DRC7: variants seen among roughly 807,000 people sequenced by gnomAD.
DRC7 encodes dynein regulatory complex subunit 7.
A neutral mutation model predicts 104.4 loss-of-function variants in DRC7; 80 were observed. The observed-to-expected ratio is 0.77, with a 90% confidence interval of 0.64 to 0.92. The LOEUF (loss-of-function observed/expected upper bound fraction) is 0.92. Among genes scored for constraint, DRC7 ranks in the 40% least tolerant of loss-of-function variants. The pLI is 0.00. For synonymous variants in DRC7, 405 were observed against 447.3 expected, an observed-to-expected ratio of 0.91 and a Z score of 1.19; for missense variants, 1,034 against 1,141.1, an observed-to-expected ratio of 0.91 and a Z score of 1.35.
At chr16:57,698,783 C>A (rs1177091993) in intron 3 of DRC7, 67 bp from the exon 4 acceptor site, 1 of 1,521,280 alleles carries the variant, frequency 6.6e-7, no homozygotes, top group Admixed American at 1.8e-5. Flanking sequence ...CCAATGGCAA[C>A]TCAGTGGAAC....
intron 17 of DRC7, 21 bp from the exon 18 acceptor site, chr16:57,730,910 C>T: frequency 6.2e-7 from 1 of 1,611,864 alleles, no homozygotes. Flanking sequence ...TCCTCCTTCT[C>T]TGTCTGCCCT....
chr16:57,712,161 G>A (rs2048796666), intron 8 of DRC7, among the ~76,000 whole-genome samples: 1 of 152,232 alleles, frequency 6.6e-6, no homozygotes, highest in South Asian at 2.1e-4. Flanking sequence ...AACAAGGACA[G>A]CTTGGAGGTT....
In DRC7 at chr16:57,726,056, C is replaced by G. The variant is rs1360568533; in HGVS notation, c.1759-12C>G. The G allele has an allele frequency of 1.2e-6, 2 of 1,610,258 alleles. No individual in the cohort carries two copies. The highest frequency in any genetic ancestry group is 1.7e-5 in the Admixed American group (1 of 59,704). On this transcript the variant is annotated splice_polypyrimidine_tract_variant and intron_variant, in intron 13 of 18. Coordinates refer to ENST00000360716, the MANE Select transcript of DRC7 (RefSeq NM_001289162.2). ...ATCCTTTGCTCATCCTTTGCATGTT[C>G]TGGCCTCCCAGAAAATCACAGAGCG... is the stretch of plus-strand genomic sequence containing the variant.
intron 9 of DRC7, 75 bp from the exon 10 acceptor site, chr16:57,721,592 A>G (rs2148764300): frequency 1.7e-6 from 2 of 1,172,164 alleles, no homozygotes; most frequent in Non-Finnish European, 2.5e-6. Flanking sequence ...GCAGGCAGAG[A>G]CAGAGCTTTG....
intron 17 of DRC7, among the ~76,000 whole-genome samples, chr16:57,729,537 A>G (rs1486381385): frequency 6.4e-3 from 77 of 11,946 alleles, no homozygotes; most frequent in Non-Finnish European, 7.4e-3. Context: ...TGGATGGGTG[A>G]GTGAGTGGGT....
chr16:57,727,295 T>C lies in DRC7; in HGVS notation c.2086-4T>C, dbSNP rs763750118. 1.3e-4 allele frequency: 206 copies of C among 1,611,190 alleles called. No homozygotes were observed. Among genetic ancestry groups the C allele is most frequent in the Non-Finnish European group, 1.6e-4 (189 of 1,178,232 alleles). ...ATCACGCCCTCCAACACTTCTCATT[T>C]CAGGTGCTGGAGATTCTGAAGCTTC... is the stretch of plus-strand genomic sequence containing the variant. On this transcript the variant is annotated splice_region_variant and splice_polypyrimidine_tract_variant and intron_variant, in intron 15 of 18. Coordinates refer to ENST00000360716, the MANE Select transcript of DRC7 (RefSeq NM_001289162.2).
chr16:57,716,066 C>T (rs1024185800), intron 8 of DRC7, among the ~76,000 whole-genome samples: 14 of 152,340 alleles, frequency 9.2e-5, no homozygotes, highest in African/African-American at 2.9e-4. Context: ...CTGGCGCAAA[C>T]GTACCCTGGG....
chr16:57,703,149 G>T (rs1270252895), intron 6 of DRC7, among the ~76,000 whole-genome samples: 1 of 145,948 alleles, frequency 6.9e-6, no homozygotes, highest in Non-Finnish European at 1.5e-5. Flanking sequence ...AAAGTGCTGG[G>T]ATTATAGGCC....
At chr16:57,720,187 TCA>T (rs2048888100) in intron 9 of DRC7, among the ~76,000 whole-genome samples, 1 of 152,152 alleles carries the variant, frequency 6.6e-6, no homozygotes, top group African/African-American at 2.4e-5. Flanking sequence ...ATGGGAAGAC[TCA>T]CACACAGAGA....
At chr16:57,708,713 C>T (rs1297817108) in intron 8 of DRC7, among the ~76,000 whole-genome samples, 8 of 152,172 alleles carry the variant, frequency 5.3e-5, no homozygotes, top group Non-Finnish European at 1.0e-4. Context: ...TACACTCCCA[C>T]CAGCAATGTA....
At chr16:57,712,721 G>A (rs2048802478) in intron 8 of DRC7, among the ~76,000 whole-genome samples, 1 of 151,826 alleles carries the variant, frequency 6.6e-6, no homozygotes, top group East Asian at 1.9e-4. Context: ...AGGCTGGAGT[G>A]CAATGGCGCG....
chr16:57,696,477 C>G lies in DRC7; in HGVS notation c.-155C>G, dbSNP rs1210798135. The stretch of plus-strand genomic sequence containing the variant: ...CTCATTGGCCAGAACCGGGTCACAT[C>G]GCAGGGCCACCTCTAGCTGCAAGAG... On this transcript the variant is annotated 5_prime_UTR_variant, in exon 2 of 19. It adds an upstream start codon to the 5' untranslated region. Transcript: ENST00000360716. 1 of 152,270 alleles carries G rather than the reference C, an allele frequency of 6.6e-6. No homozygotes were observed. Among genetic ancestry groups the G allele is most frequent in the Non-Finnish European group, 1.5e-5 (1 of 68,078 alleles). The allele number at this position is 152,270 out of a possible 1,614,324, so 9.4% of individuals were successfully genotyped here.
At chr16:57,707,902 A>G (rs1208322274) in intron 8 of DRC7, 2 of 585,002 alleles carry the variant, frequency 3.4e-6, no homozygotes, top group African/African-American at 3.7e-5. Context: ...TAAAGTGTGG[A>G]TTGTTTGAAT....
chr16:57,730,904 C>T (rs562506456), intron 17 of DRC7, 27 bp from the exon 18 acceptor site: 2 of 1,611,186 alleles, frequency 1.2e-6, no homozygotes, highest in African/African-American at 2.7e-5. Flanking sequence ...TGTCAGTCCT[C>T]CTTCTCTGTC....
At position 57,724,810 on chromosome 16, in the gene DRC7, C is replaced by T. The variant is rs368794195; in HGVS notation, c.1733C>T (p.Ala578Val). The change falls in exon 13 of 19, where the codon GCA (alanine) becomes GTA (valine). Residue 578 changes from alanine (A) to valine (V), a missense_variant. Ala to Val is a moderately conservative substitution (Grantham distance 64). Coordinates refer to ENST00000360716, the MANE Select transcript of DRC7 (RefSeq NM_001289162.2). ...PRVKKLTLSS[A>V]ESNPRPIVKI... is the part of the protein sequence containing the mutation. ...GTCAAGAAGCTCACTCTGAGCAGTG[C>T]AGAGTCAAACCCCCGGCCCATTGTG... 1 of 1,613,380 alleles carries T rather than the reference C, an allele frequency of 6.2e-7. No homozygotes were observed. Among genetic ancestry groups the T allele is most frequent in the African/African-American group, 1.3e-5 (1 of 74,892 alleles).
intron 9 of DRC7, among the ~76,000 whole-genome samples, chr16:57,719,114 C>T (rs572946993): frequency 1.3e-5 from 2 of 152,148 alleles, no homozygotes; most frequent in Non-Finnish European, 2.9e-5. Context: ...CATCATGAGC[C>T]CCACATGCTG....
intron 17 of DRC7, among the ~76,000 whole-genome samples, chr16:57,730,217 GTGGA>G (rs1199811165): frequency 1.4e-5 from 2 of 138,878 alleles, no homozygotes; most frequent in East Asian, 4.5e-4. Context: ...GGATGGATGG[GTGGA>G]TGGATGGATG....
intron 8 of DRC7, chr16:57,713,977 G>A: frequency 9.7e-6 from 2 of 205,878 alleles, no homozygotes; most frequent in Middle Eastern, 1.2e-3. Flanking sequence ...TTGTTCACAG[G>A]CTTAACACCA....
At chr16:57,699,575 T>C (rs973999004) in intron 4 of DRC7, among the ~76,000 whole-genome samples, 3 of 152,138 alleles carry the variant, frequency 2.0e-5, no homozygotes, top group Non-Finnish European at 2.9e-5. Flanking sequence ...ATGCCTGTCC[T>C]GGTCCAATTT....
Sources: gnomAD v4.1 joint callset for allele counts (sites outside exome capture counted in the v4.1 genomes callset) on GRCh38, gnomAD v4.1.1 for gene constraint, MANE v1.5 for transcripts, NCBI Gene and HGNC (gene_info 2026-07-23, HGNC 2026-07-21) for gene names.